Variants in GRID2 observed in about 807,000 individuals in gnomAD.
GRID2 encodes glutamate ionotropic receptor delta type subunit 2.
A neutral mutation model predicts 114.8 loss-of-function variants in GRID2; 33 were observed. The ratio of observed to expected loss-of-function variants is 0.29; its 90% confidence interval spans 0.22 to 0.38. GRID2 has a LOEUF of 0.38. Among genes scored for constraint, GRID2 ranks in the 10% least tolerant of loss-of-function variants. The probability of loss-of-function intolerance (pLI) is 1.00; values close to 1 mark genes in which losing one functional copy is unlikely to be tolerated. For synonymous variants in GRID2, 505 were observed against 449.9 expected (o/e 1.12, Z -1.55); for missense variants, 1,184 against 1,257.7 (o/e 0.94, Z 0.89).
At chr4:92,774,882 T>G (rs549202796) in intron 2 of GRID2, among the ~76,000 whole-genome samples, 1 of 152,270 alleles carries the variant, frequency 6.6e-6, no homozygotes, top group Admixed American at 6.6e-5. Context: ...TCCAAAATTT[T>G]TCTAAATACT....
intron 2 of GRID2, among the ~76,000 whole-genome samples, chr4:92,652,744 T>G (rs1205985992): frequency 7.2e-6 from 1 of 139,048 alleles, no homozygotes; most frequent in Admixed American, 7.4e-5. Context: ...GCTGGGGGGG[T>G]TGGGGGGTGG....
At chr4:92,526,014 A>G (rs764756216) in intron 1 of GRID2, among the ~76,000 whole-genome samples, 8 of 152,084 alleles carry the variant, frequency 5.3e-5, no homozygotes, top group Non-Finnish European at 7.4e-5. Flanking sequence ...CAGAGGTTCT[A>G]TGGTTTGTAG....
chr4:92,579,730 T>G (rs1425232717), intron 1 of GRID2, among the ~76,000 whole-genome samples: 1 of 151,638 alleles, frequency 6.6e-6, no homozygotes, highest in Non-Finnish European at 1.5e-5. Context: ...ATTTCTTTTT[T>G]CTTAGTATGA....
chr4:92,731,866 C>T (rs1378920795), intron 2 of GRID2, among the ~76,000 whole-genome samples: 1 of 151,764 alleles, frequency 6.6e-6, no homozygotes, highest in African/African-American at 2.4e-5. Context: ...ATTATTTGAC[C>T]ATCACAATTT....
chr4:93,062,684 C>T (rs1727912898), intron 2 of GRID2, among the ~76,000 whole-genome samples: 1 of 151,864 alleles, frequency 6.6e-6, no homozygotes, highest in Admixed American at 6.6e-5. Flanking sequence ...AGATCATTTC[C>T]ATTATGTATT....
intron 2 of GRID2, among the ~76,000 whole-genome samples, chr4:92,666,650 G>GTTTTTTT (rs70942922): frequency 0.013 from 876 of 68,524 alleles, 55 homozygotes; most frequent in Non-Finnish European, 0.016. Context: ...CTTAAGGGTT[G>GTTTTTTT]TTTTTTTTTT....
intron 14 of GRID2, among the ~76,000 whole-genome samples, chr4:93,737,127 T>C (rs748926859): frequency 6.6e-6 from 1 of 152,082 alleles, no homozygotes; most frequent in Non-Finnish European, 1.5e-5. Context: ...GCTTGGAGAA[T>C]TTACATATGA....
chr4:93,075,596 G>T (rs1729193374), intron 2 of GRID2, among the ~76,000 whole-genome samples: 1 of 152,056 alleles, frequency 6.6e-6, no homozygotes, highest in South Asian at 2.1e-4. Flanking sequence ...GAAACTAGAA[G>T]AAGTGAGTTT....
chr4:93,000,833 G>T lies in GRID2; in HGVS notation c.245-84162G>T, dbSNP rs992654231. Among the ~76,000 whole-genome samples, 3 of 151,434 alleles carry T rather than the reference G, an allele frequency of 2.0e-5. No homozygotes were observed. The Admixed American group carries it at 2.0e-4, about 10-fold the overall frequency. ...TGGGGAGGGTGGGTGGGAGAAGGGG[G>T]TTGAAAAACTATCTATTGGATGCTA... On this transcript the variant is annotated intron_variant, in intron 2 of 15. Coordinates refer to ENST00000282020, the MANE Select transcript of GRID2 (RefSeq NM_001510.4).
chr4:93,528,123 G>GTA (rs1731100534), intron 13 of GRID2, among the ~76,000 whole-genome samples: 1 of 151,362 alleles, frequency 6.6e-6, no homozygotes, highest in Non-Finnish European at 1.5e-5. Context: ...ATATGTGTGT[G>GTA]TATATATATC....
At chr4:93,368,372 C>T (rs1347586163) in intron 8 of GRID2, among the ~76,000 whole-genome samples, 2 of 151,134 alleles carry the variant, frequency 1.3e-5, no homozygotes, top group Non-Finnish European at 2.9e-5. Context: ...ACATTCTTAA[C>T]TATGGGGATA....
chr4:93,531,500 C>T (rs2149513981), intron 13 of GRID2, among the ~76,000 whole-genome samples: 1 of 151,586 alleles, frequency 6.6e-6, no homozygotes, highest in East Asian at 1.9e-4. Flanking sequence ...TAGAGGAGGC[C>T]ATGAGAAGGA....
intron 2 of GRID2, among the ~76,000 whole-genome samples, chr4:92,849,598 T>A (rs1391753772): frequency 6.6e-6 from 1 of 151,924 alleles, no homozygotes; most frequent in Non-Finnish European, 1.5e-5. Flanking sequence ...AACATTCTCA[T>A]CTGCTTACCC....
chr4:93,130,348 A>G (rs1049636816), intron 4 of GRID2, among the ~76,000 whole-genome samples: 1 of 152,144 alleles, frequency 6.6e-6, no homozygotes, highest in South Asian at 2.1e-4. Flanking sequence ...GGCTAAGGCA[A>G]GAGGATTACT....
Position 92,639,960 on chromosome 4 carries a change from T to C in GRID2, c.244+49674T>C, listed in dbSNP as rs1437638122. On this transcript the variant is annotated intron_variant, in intron 2 of 15. Transcript: ENST00000282020. ...TGTATTATGTAAAATTGAGGCCTTC[T>C]TGAATCTTATGATTTCTAACACAGA... Among the ~76,000 whole-genome samples the C allele has an allele frequency of 2.0e-5, 3 of 151,744 alleles. No homozygotes were observed. In the Admixed American group the frequency reaches 2.0e-4, roughly 10 times the overall value.
At chr4:92,523,392 ATATAAGT>A (rs903079613) in intron 1 of GRID2, among the ~76,000 whole-genome samples, 13 of 152,032 alleles carry the variant, frequency 8.6e-5, no homozygotes, top group Non-Finnish European at 4.4e-5. Context: ...CAAGCAGAGC[ATATAAGT>A]TAAGGCAAAA....
At chr4:92,970,559 CTTT>C (rs1753441344) in intron 2 of GRID2, among the ~76,000 whole-genome samples, 1 of 151,876 alleles carries the variant, frequency 6.6e-6, no homozygotes. Context: ...AAGCCTGTGT[CTTT>C]CATGTTTCAT....
At chr4:93,776,985 A>G (rs1003823082), downstream of GRID2, among the ~76,000 whole-genome samples, 1 of 152,172 alleles carries the variant, frequency 6.6e-6, no homozygotes, top group African/African-American at 2.4e-5. Flanking sequence ...AAACATAGTA[A>G]ATCTTATTCA....
chr4:92,501,008 C>T (rs1273862145), intron 1 of GRID2, among the ~76,000 whole-genome samples: 4 of 152,058 alleles, frequency 2.6e-5, no homozygotes, highest in Non-Finnish European at 5.9e-5. Context: ...CCCAGAGTTA[C>T]GTGCTATTTT....
Sources: allele counts gnomAD v4.1 joint callset (sites outside exome capture counted in the v4.1 genomes callset), GRCh38; gene constraint gnomAD v4.1.1; transcripts MANE v1.5; gene names NCBI Gene and HGNC (gene_info 2026-07-23, HGNC 2026-07-21).